The following ZNF487 variants were observed in gnomAD, a reference collection of about 807,000 sequenced individuals.
The protein encoded by ZNF487 is zinc finger protein 487.
A neutral mutation model predicts 3.0 loss-of-function variants in ZNF487; 4 were observed. That is an observed-to-expected ratio of 1.35 (90% confidence interval 0.66 to 3.08). The LOEUF is 3.08. Ranked by LOEUF, ZNF487 falls within the 30% of genes most tolerant of loss-of-function variation. The probability of loss-of-function intolerance (pLI) is 0.01; values close to 1 mark genes in which losing one functional copy is unlikely to be tolerated. For synonymous variants in ZNF487, 55 were observed against 34.6 expected, an observed-to-expected ratio of 1.59 and a Z score of -2.06; for missense variants, 146 against 98.7, an observed-to-expected ratio of 1.48 and a Z score of -2.03.
the ZNF487 span, among the ~76,000 whole-genome samples, chr10:43,508,426 C>A: frequency 6.6e-6 from 1 of 152,176 alleles, no homozygotes; most frequent in Admixed American, 6.6e-5. Context: ...CCGTGGTGGA[C>A]ATGGAATCAG....
chr10:43,497,554 T>C, the ZNF487 span, among the ~76,000 whole-genome samples: 1 of 152,156 alleles, frequency 6.6e-6, no homozygotes, highest in African/African-American at 2.4e-5. Flanking sequence ...CTGCACTAGC[T>C]CAGTAGAGTT....
At chr10:43,486,458 G>A (rs980727075), downstream of ZNF487, among the ~76,000 whole-genome samples, 5 of 151,980 alleles carry the variant, frequency 3.3e-5, no homozygotes, top group Admixed American at 6.6e-5. Context: ...CCTGGGAGGC[G>A]GAGGTTGCGG....
At chr10:43,468,988 CAAAAAAA>C (rs59076073) in intron 1 of ZNF487, among the ~76,000 whole-genome samples, 3 of 60,934 alleles carry the variant, frequency 4.9e-5, no homozygotes, top group African/African-American at 7.2e-5. Flanking sequence ...GACTCTATCT[CAAAAAAA>C]AAAAAAAAAA....
At chr10:43,466,114 T>C (rs900966879) in intron 1 of ZNF487, among the ~76,000 whole-genome samples, 1 of 149,320 alleles carries the variant, frequency 6.7e-6, no homozygotes, top group Admixed American at 6.7e-5. Flanking sequence ...GGCAGGGAGG[T>C]TGCAGTGAGC....
intron 1 of ZNF487, among the ~76,000 whole-genome samples, chr10:43,459,886 C>T (rs1375638956): frequency 1.3e-5 from 2 of 151,482 alleles, no homozygotes; most frequent in African/African-American, 4.8e-5. Context: ...ACTGCAAGCT[C>T]TGTCTCCTGG....
the ZNF487 span, among the ~76,000 whole-genome samples, chr10:43,495,565 T>C: frequency 6.6e-6 from 1 of 152,124 alleles, no homozygotes; most frequent in East Asian, 1.9e-4. Flanking sequence ...TATTGATGTG[T>C]GAGGACTCAA....
At chr10:43,462,892 C>T (rs1322851406) in intron 1 of ZNF487, among the ~76,000 whole-genome samples, 1 of 152,054 alleles carries the variant, frequency 6.6e-6, no homozygotes. Context: ...GCCTCAGCCC[C>T]CTGAGTAGCT....
chr10:43,451,245 CTATTAT>C (rs754875726), intron 1 of ZNF487, among the ~76,000 whole-genome samples: 1 of 143,518 alleles, frequency 7.0e-6, no homozygotes, highest in South Asian at 2.2e-4. Flanking sequence ...CATGGATGGC[CTATTAT>C]TATTATTATT....
Position 43,457,615 on chromosome 10 carries a change from G to A in ZNF487, c.-93-18106G>A, listed in dbSNP as rs149282588. Among the ~76,000 whole-genome samples, 365 of 148,032 alleles carry A rather than the reference G, an allele frequency of 2.5e-3. 4 individuals are homozygous for A. The highest frequency in any genetic ancestry group is 0.022 in the South Asian group (101 of 4,610). On this transcript the variant is annotated intron_variant, in intron 1 of 3. Coordinates refer to ENST00000437590, the MANE Select transcript of ZNF487 (RefSeq NM_001355444.3). Reference sequence around the variant, plus strand: ...ATTCCTCATGAGATCGCTTGAACGCGCGAGTTGGAGGTTGCAGTGAGCCGA... The same window carrying A: ...ATTCCTCATGAGATCGCTTGAACGCACGAGTTGGAGGTTGCAGTGAGCCGA...
intron 1 of ZNF487, among the ~76,000 whole-genome samples, chr10:43,470,637 G>A (rs569764908): frequency 8.6e-4 from 131 of 151,692 alleles, no homozygotes; most frequent in African/African-American, 3.0e-3. Context: ...CACCTGCCTC[G>A]GCCTTCCAAA....
At chr10:43,449,760 AC>A (rs2132055991) in intron 1 of ZNF487, among the ~76,000 whole-genome samples, 1 of 151,176 alleles carries the variant, frequency 6.6e-6, no homozygotes, top group East Asian at 2.0e-4. Flanking sequence ...GCTCACTGTA[AC>A]CTCCGCCTCC....
At chr10:43,498,274 A>ATTTT in the ZNF487 span, among the ~76,000 whole-genome samples, 1 of 103,078 alleles carries the variant, frequency 9.7e-6, no homozygotes, top group African/African-American at 4.1e-5. Context: ...ATATATATAT[A>ATTTT]TTTTTTTCTT....
chr10:43,463,663 T>C (rs1840522404), intron 1 of ZNF487, among the ~76,000 whole-genome samples: 1 of 151,516 alleles, frequency 6.6e-6, no homozygotes, highest in Non-Finnish European at 1.5e-5. Flanking sequence ...GCTCTGGGAC[T>C]GTAGGCACGA....
At chr10:43,497,502 G>A in the ZNF487 span, among the ~76,000 whole-genome samples, 1 of 152,172 alleles carries the variant, frequency 6.6e-6, no homozygotes. Context: ...TTGGGGAGCA[G>A]GCAGCAGTAA....
chr10:43,514,245 A>G, the ZNF487 span, among the ~76,000 whole-genome samples: 2 of 152,096 alleles, frequency 1.3e-5, no homozygotes, highest in East Asian at 1.9e-4. Flanking sequence ...GGTTCAAGCA[A>G]TTCTCCAGCC....
the ZNF487 span, among the ~76,000 whole-genome samples, chr10:43,521,404 CAG>C: frequency 6.6e-6 from 1 of 152,108 alleles, no homozygotes; most frequent in East Asian, 1.9e-4. Context: ...ACACGAGAGA[CAG>C]TACTTCAGTC....
intron 1 of ZNF487, among the ~76,000 whole-genome samples, chr10:43,448,321 CA>C (rs1839887223): frequency 6.6e-6 from 1 of 151,688 alleles, no homozygotes; most frequent in African/African-American, 2.4e-5. Context: ...TACGTTTTGT[CA>C]AAAAATGTTT....
intron 1 of ZNF487, among the ~76,000 whole-genome samples, chr10:43,469,416 C>T (rs987551317): frequency 6.6e-6 from 1 of 152,122 alleles, no homozygotes; most frequent in Non-Finnish European, 1.5e-5. Context: ...TGGTCTCGAA[C>T]CCCTGACCTC....
the ZNF487 span, among the ~76,000 whole-genome samples, chr10:43,491,478 G>A: frequency 2.6e-5 from 4 of 151,394 alleles, 1 homozygote; most frequent in African/African-American, 9.8e-5. Flanking sequence ...CAGTGACTCC[G>A]CAGTCCTCAG....
Sources: gnomAD v4.1 joint callset for allele counts (sites outside exome capture counted in the v4.1 genomes callset) on GRCh38, gnomAD v4.1.1 for gene constraint, MANE v1.5 for transcripts, NCBI Gene and HGNC (gene_info 2026-07-23, HGNC 2026-07-21) for gene names.